Variants in STK11IP observed in about 807,000 individuals in gnomAD.
The protein encoded by STK11IP is serine/threonine kinase 11 interacting protein, also known as serine/threonine-protein kinase 11-interacting protein.
Under a neutral mutation model 131.7 loss-of-function variants are expected in STK11IP, and 103 were observed. That is an observed-to-expected ratio of 0.78 (90% confidence interval 0.67 to 0.92). The LOEUF (loss-of-function observed/expected upper bound fraction) is 0.92, where lower values mean the gene tolerates loss of function less well. Among genes scored for constraint, STK11IP ranks in the 40% least tolerant of loss-of-function variants. The pLI, the probability that STK11IP is intolerant of heterozygous loss-of-function variation, is 0.00. For synonymous variants in STK11IP, 557 were observed against 575.6 expected (o/e 0.97, Z 0.46); for missense variants, 1,315 against 1,385.7 (o/e 0.95, Z 0.81).
In STK11IP at chr2:219,608,436, C is replaced by T. The variant is rs1698274981; in HGVS notation, c.1603+6C>T. ...GGACCAGAAGGAAGTGGAAGGTGAG[C>T]CCTTTGTGGGCTGGGGCGAGCTGAG... On this transcript the variant is annotated splice_donor_region_variant and intron_variant, in intron 14 of 24. Transcript: ENST00000456909. 1.3e-6 allele frequency: 2 copies of T among 1,551,528 alleles called. No homozygotes were observed. The highest frequency in any genetic ancestry group is 1.7e-6 in the Non-Finnish European group (2 of 1,148,148).
At position 219,608,599 on chromosome 2, in the gene STK11IP, CTTG is replaced by C; in HGVS notation, c.1624_1626del (p.Leu542del). The C allele has an allele frequency of 1.3e-6, 2 of 1,599,852 alleles. No homozygotes were observed. The highest frequency in any genetic ancestry group is 1.7e-5 in the Admixed American group (1 of 58,542). On this transcript the variant is annotated inframe_deletion, in exon 15 of 25. Coordinates refer to ENST00000456909, the MANE Select transcript of STK11IP (RefSeq NM_052902.4). ...TCTCCACAGCGGAACTCTGTCGCCC[CTTG>C]TTGGTGTGTCCCCTGGAGGGGCCTG... is the stretch of plus-strand genomic sequence containing the variant.
intron 5 of STK11IP, 55 bp downstream of exon 5, chr2:219,602,138 C>G: frequency 7.5e-7 from 1 of 1,328,062 alleles, no homozygotes; most frequent in Non-Finnish European, 1.1e-6. Context: ...TGTAGAAGAC[C>G]AAGCTCTGAT....
At chr2:219,609,731 G>A in intron 17 of STK11IP, 191 bp downstream of exon 17, 3 of 558,820 alleles carry the variant, frequency 5.4e-6, no homozygotes, top group South Asian at 4.5e-5. Context: ...AAAAAAAGAA[G>A]AAACTATATC....
Position 219,602,784 on chromosome 2 carries a change from TG to T in STK11IP, c.618+11del. 1 of 1,609,204 alleles carries T rather than the reference TG, an allele frequency of 6.2e-7. No homozygotes were observed. Among genetic ancestry groups the T allele is most frequent in the African/African-American group, 1.3e-5 (1 of 74,958 alleles). ...TGTCAGGGATTCCTGATGGTGAGTA[TG>T]GGCAGTTTGGCAGCTGGCACACCAT... On this transcript the variant is annotated intron_variant, in intron 7 of 24. Coordinates refer to ENST00000456909, the MANE Select transcript of STK11IP (RefSeq NM_052902.4).
chr2:219,606,619 T>C, intron 11 of STK11IP, 93 bp from the exon 12 acceptor site: 1 of 1,601,644 alleles, frequency 6.2e-7, no homozygotes, highest in Non-Finnish European at 8.5e-7. Context: ...TCCTGGTCAG[T>C]GGAAAGTAGG....
At chr2:219,599,984 C>T (rs1485618091) in intron 2 of STK11IP, among the ~76,000 whole-genome samples, 1 of 151,400 alleles carries the variant, frequency 6.6e-6, no homozygotes, top group Admixed American at 6.6e-5. Context: ...GATCCACCCG[C>T]CTTGGCCTCC....
chr2:219,616,050 C>G lies in STK11IP; in HGVS notation c.3124C>G (p.Arg1042Gly). The change falls in exon 25 of 25, where the codon CGG (arginine) becomes GGG (glycine). Residue 1042 changes from arginine to glycine, a missense_variant. Arg to Gly is a moderately radical substitution (Grantham distance 125, BLOSUM62 -2). Coordinates refer to ENST00000456909, the MANE Select transcript of STK11IP (RefSeq NM_052902.4). ...TAACTGCTCGGTCTGCCAGGTGTCC[C>G]GGCTGGAGAGCTTTTGGGCACTCCG... The part of the protein sequence containing the change: ...LRLLFYDEVS[R>G]LESFWALRVV... The G allele has an allele frequency of 6.2e-7, 1 of 1,613,544 alleles. No individual in the cohort carries two copies. The highest frequency in any genetic ancestry group is 8.5e-7 in the Non-Finnish European group (1 of 1,179,712).
chr2:219,606,345 C>A (rs138832874), intron 10 of STK11IP, 55 bp downstream of exon 10: 5 of 1,545,254 alleles, frequency 3.2e-6, no homozygotes, highest in African/African-American at 2.7e-5. Context: ...AGTCCTCCCC[C>A]ACCTTGCACC....
intron 24 of STK11IP, chr2:219,615,565 GC>G: frequency 2.9e-6 from 2 of 678,970 alleles, no homozygotes; most frequent in South Asian, 1.8e-5. Flanking sequence ...TGGACTGGGA[GC>G]CCAGCCATTT....
In STK11IP at chr2:219,613,759, C is replaced by A; in HGVS notation, c.2545C>A (p.Pro849Thr). The A allele has an allele frequency of 6.2e-7, 1 of 1,612,388 alleles. No homozygotes were observed. The highest frequency in any genetic ancestry group is 8.5e-7 in the Non-Finnish European group (1 of 1,179,636). The change falls in exon 21 of 25, where the codon CCA becomes ACA. Residue 849 changes from proline to threonine, a missense_variant. Physicochemically the swap from Pro to Thr is conservative, Grantham distance 38. Transcript: ENST00000456909. The stretch of plus-strand genomic sequence containing the variant: ...TGTCCCCTCTCTCCACAGTGAGCCT[C>A]CAGCTAGCTGGCTGCAGCTGACCCT... Reference protein sequence around the residue: ...LKVTGEMREPPASWLQLTLAV... With the variant: ...LKVTGEMREPTASWLQLTLAV...
intron 13 of STK11IP, 115 bp from the exon 14 acceptor site, chr2:219,607,932 C>T (rs1453282301): frequency 2.9e-6 from 4 of 1,403,388 alleles, no homozygotes; most frequent in African/African-American, 2.9e-5. Context: ...GCCTCCCTTG[C>T]CCGTGTCCCC....
At position 219,606,246 on chromosome 2, in the gene STK11IP, A is replaced by G; in HGVS notation, c.901A>G (p.Thr301Ala). The change falls in exon 10 of 25, where the codon ACT becomes GCT. Residue 301 changes from threonine (T) to alanine (A), a missense_variant. Coordinates refer to ENST00000456909, the MANE Select transcript of STK11IP (RefSeq NM_052902.4). The part of the protein sequence containing the change: ...LWFHPEHRAA[T>A]AQYLSPRARD... Reference sequence around the variant, plus strand: ...GTTCCACCCTGAGCACCGAGCAGCCACTGCCCAGTACTTGTCACCCCGGGC... The same window carrying G: ...GTTCCACCCTGAGCACCGAGCAGCCGCTGCCCAGTACTTGTCACCCCGGGC... The G allele has an allele frequency of 6.4e-7, 1 of 1,572,718 alleles. No homozygotes were observed. Among genetic ancestry groups the G allele is most frequent in the Non-Finnish European group, 8.6e-7 (1 of 1,158,880 alleles).
intron 23 of STK11IP, 21 bp downstream of exon 23, chr2:219,614,567 ATGCTTCCCTGGTCTC>A (rs1308876469): frequency 6.2e-7 from 1 of 1,613,344 alleles, no homozygotes; most frequent in Non-Finnish European, 8.5e-7. Context: ...TGTGCAGCTG[ATGCTTCCCTGGTCTC>A]TGTACCCTAC....
chr2:219,613,681 G>C, intron 20 of STK11IP, 71 bp from the exon 21 acceptor site: 1 of 1,582,334 alleles, frequency 6.3e-7, no homozygotes, highest in Non-Finnish European at 8.7e-7. Flanking sequence ...AGGTGCAGCT[G>C]GGGCAGGGCC....
At chr2:219,615,588 G>C (rs1303389936) in intron 24 of STK11IP, 1 of 656,528 alleles carries the variant, frequency 1.5e-6, no homozygotes, top group African/African-American at 1.8e-5. Flanking sequence ...GCTGGGCCAC[G>C]AGGCTTTCAG....
In STK11IP at chr2:219,606,864, C is replaced by A. The variant is rs775318528; in HGVS notation, c.1134+6C>A. 2 of 1,606,332 alleles carry A rather than the reference C, an allele frequency of 1.2e-6. No individual in the cohort carries two copies. The highest frequency in any genetic ancestry group is 8.5e-7 in the Non-Finnish European group (1 of 1,175,388). On this transcript the variant is annotated splice_donor_region_variant and intron_variant, in intron 12 of 24. Transcript: ENST00000456909. ...CCCTGCTTCATAAGGTTAAGGTAAG[C>A]AGCGTCCTCCGCTGCCTTGTGCCTG...
chr2:219,602,648 T>A, intron 6 of STK11IP, 57 bp from the exon 7 acceptor site: 1 of 1,612,012 alleles, frequency 6.2e-7, no homozygotes, highest in Non-Finnish European at 8.5e-7. Context: ...GCCAGCTGGT[T>A]GACCAGATAG....
intron 2 of STK11IP, 147 bp downstream of exon 2, chr2:219,598,327 G>A: frequency 1.6e-6 from 1 of 624,684 alleles, no homozygotes; most frequent in Non-Finnish European, 2.7e-6. Context: ...TCCCAGGTTT[G>A]TTCGCCCTTA....
At chr2:219,607,260 C>A in intron 13 of STK11IP, 123 bp downstream of exon 13, 3 of 892,194 alleles carry the variant, frequency 3.4e-6, no homozygotes, top group Non-Finnish European at 5.1e-6. Flanking sequence ...TTATAGAGGG[C>A]TTCTTAGTCT....
Sources: allele counts gnomAD v4.1 joint callset (sites outside exome capture counted in the v4.1 genomes callset), GRCh38; gene constraint gnomAD v4.1.1; transcripts MANE v1.5; gene names NCBI Gene and HGNC (gene_info 2026-07-23, HGNC 2026-07-21).